The following KIF26B variants were observed in gnomAD, a reference collection of about 807,000 sequenced individuals.
KIF26B encodes the protein kinesin-like protein KIF26B.
KIF26B carries 63 observed loss-of-function variants against 151.2 expected under a neutral mutation model. The observed-to-expected ratio is 0.42, with a 90% CI of 0.34 to 0.51. The LOEUF (loss-of-function observed/expected upper bound fraction) is 0.51. Ranked by LOEUF, KIF26B falls within the 20% of genes least tolerant of loss-of-function variation. The pLI, the probability that KIF26B is intolerant of heterozygous loss-of-function variation, is 0.07. For missense variants in KIF26B, 2,813 were observed against 2,913.6 expected (o/e 0.97, Z 0.79); for synonymous variants, 1,357 against 1,262.1 (o/e 1.08, Z -1.59).
chr1:245,305,033 C>T (rs1671510429), intron 2 of KIF26B, among the ~76,000 whole-genome samples: 1 of 152,082 alleles, frequency 6.6e-6, no homozygotes, highest in Non-Finnish European at 1.5e-5. Flanking sequence ...GATACAGAGC[C>T]AGAACCAGGA....
chr1:245,666,875 A>G (rs191581297), intron 10 of KIF26B, among the ~76,000 whole-genome samples: 37 of 152,228 alleles, frequency 2.4e-4, no homozygotes, highest in Middle Eastern at 3.4e-3. Context: ...TAACCCAGAC[A>G]CAGCTAACAG....
At chr1:245,443,372 C>A (rs906596988) in intron 4 of KIF26B, among the ~76,000 whole-genome samples, 1 of 141,552 alleles carries the variant, frequency 7.1e-6, no homozygotes, top group Non-Finnish European at 1.5e-5. Context: ...ACTGTTCACC[C>A]TGCGGTCATC....
chr1:245,465,177 C>A (rs1322461405), intron 4 of KIF26B, among the ~76,000 whole-genome samples: 18 of 152,100 alleles, frequency 1.2e-4, no homozygotes, highest in East Asian at 9.7e-4. Context: ...ACGGGGTTTC[C>A]CCATGTTGGC....
At chr1:245,387,144 G>T (rs1038955102) in intron 3 of KIF26B, among the ~76,000 whole-genome samples, 4 of 144,830 alleles carry the variant, frequency 2.8e-5, no homozygotes, top group African/African-American at 1.0e-4. Context: ...TCTGACCTAG[G>T]TTTTTTTTTG....
chr1:245,199,172 C>G (rs780400082), intron 2 of KIF26B, among the ~76,000 whole-genome samples: 11 of 152,042 alleles, frequency 7.2e-5, no homozygotes, highest in Non-Finnish European at 1.5e-4. Flanking sequence ...GGTGAGGAAA[C>G]CTTTTAACCT....
chr1:245,687,975 C>T lies in KIF26B; in HGVS notation c.4992C>T (p.Ser1664=). 4 of 1,582,456 alleles carry T rather than the reference C, an allele frequency of 2.5e-6. No homozygotes were observed. The highest frequency in any genetic ancestry group is 1.2e-5 in the South Asian group (1 of 86,532). ...GTGCCAAGCTGGAGCAGCTGGCCAG[C>T]AGAAGCAACTCGCTGGGCAGGGCGA... is the stretch of plus-strand genomic sequence containing the variant. ...LFSAKLEQLA[S]RSNSLGRATV... is the part of the protein sequence containing the mutation. Residue 1664 remains serine, a synonymous_variant, in exon 12 of 15, where the codon AGC becomes AGT. Coordinates refer to ENST00000407071, the MANE Select transcript of KIF26B (RefSeq NM_018012.4). This position sits in a 1 kb window ranked among gnomAD's most constrained non-coding sequence, Gnocchi z 4.9.
At position 245,375,311 on chromosome 1, in the gene KIF26B, A is replaced by G. The variant is rs1346322252; in HGVS notation, c.999+7944A>G. Among the ~76,000 whole-genome samples, 5 of 152,162 alleles carry G rather than the reference A, an allele frequency of 3.3e-5. No individual in the cohort carries two copies. In the East Asian group the frequency reaches 7.7e-4, roughly 23 times the overall value. The stretch of plus-strand genomic sequence containing the variant: ...AGGCTGGTCTCAAACTCCTGACCTC[A>G]GGTGATCTGCCTGCCTCAGCCTCCC... On this transcript the variant is annotated intron_variant, in intron 3 of 14. Coordinates refer to ENST00000407071, the MANE Select transcript of KIF26B (RefSeq NM_018012.4). This position sits in a 1 kb window ranked among gnomAD's most constrained non-coding sequence, Gnocchi z 4.2.
intron 10 of KIF26B, among the ~76,000 whole-genome samples, chr1:245,652,962 C>T (rs2044036400): frequency 6.6e-6 from 1 of 152,196 alleles, no homozygotes; most frequent in Non-Finnish European, 1.5e-5. Context: ...TCAAGTGTAT[C>T]TTCCTTTATG....
At chr1:245,409,959 C>T (rs1405200700) in intron 3 of KIF26B, among the ~76,000 whole-genome samples, 4 of 152,172 alleles carry the variant, frequency 2.6e-5, no homozygotes, top group Non-Finnish European at 4.4e-5. Flanking sequence ...AGATCTGAAC[C>T]ACCCCAGCTC....
chr1:245,416,555 C>A (rs1674424580), intron 3 of KIF26B, among the ~76,000 whole-genome samples: 2 of 152,018 alleles, frequency 1.3e-5, no homozygotes, highest in African/African-American at 4.8e-5. Flanking sequence ...CTATTAAATG[C>A]ATGATATGAA....
intron 4 of KIF26B, among the ~76,000 whole-genome samples, chr1:245,427,721 C>T (rs1005790069): frequency 6.6e-6 from 1 of 152,094 alleles, no homozygotes; most frequent in African/African-American, 2.4e-5. Context: ...GCATATTTTG[C>T]TTACCCTTAG....
At chr1:245,507,491 G>A (rs1660748002) in intron 4 of KIF26B, among the ~76,000 whole-genome samples, 2 of 152,210 alleles carry the variant, frequency 1.3e-5, no homozygotes, top group Admixed American at 6.5e-5. Context: ...ATCAGTCTTT[G>A]GATGTGAACC....
chr1:245,349,138 G>A (rs769142175), intron 2 of KIF26B, among the ~76,000 whole-genome samples: 1 of 152,310 alleles, frequency 6.6e-6, no homozygotes, highest in East Asian at 1.9e-4. Context: ...ATAGGTGCTC[G>A]ATAAATATTC....
At position 245,352,247 on chromosome 1, in the gene KIF26B, GT is replaced by G. The variant is rs1421584916; in HGVS notation, c.466-14581del. ...TTTTATTCTACCATTCCTACCTCCAGTTTTTTGTTTGTTTGTTTGTTTGTGT... is the reference window on the plus strand; with the variant it reads ...TTTTATTCTACCATTCCTACCTCCAGTTTTTGTTTGTTTGTTTGTTTGTGT... On this transcript the variant is annotated intron_variant, in intron 2 of 14. Coordinates refer to ENST00000407071, the MANE Select transcript of KIF26B (RefSeq NM_018012.4). The surrounding 1 kb of genome is among the most constrained non-coding windows in gnomAD (Gnocchi z 5.0). Among the ~76,000 whole-genome samples the G allele has an allele frequency of 6.6e-6, 1 of 152,136 alleles. No individual in the cohort carries two copies. Among genetic ancestry groups the G allele is most frequent in the Admixed American group, 6.6e-5 (1 of 15,262 alleles).
chr1:245,532,035 C>G (rs1661373220), intron 4 of KIF26B, among the ~76,000 whole-genome samples: 1 of 152,034 alleles, frequency 6.6e-6, no homozygotes, highest in South Asian at 2.1e-4. Flanking sequence ...CTGCAGTGGG[C>G]TATGATCATG....
At chr1:245,409,669 T>G (rs1674226569) in intron 3 of KIF26B, among the ~76,000 whole-genome samples, 1 of 152,112 alleles carries the variant, frequency 6.6e-6, no homozygotes, top group African/African-American at 2.4e-5. Flanking sequence ...ATAAGAGTAA[T>G]CAAACGTCCA....
chr1:245,521,191 G>T (rs1330467902), intron 4 of KIF26B, among the ~76,000 whole-genome samples: 1 of 152,102 alleles, frequency 6.6e-6, no homozygotes, highest in Non-Finnish European at 1.5e-5. Context: ...CAAAAAATTA[G>T]CCAGGTGTGG....
At chr1:245,435,639 T>A (rs1014222553) in intron 4 of KIF26B, among the ~76,000 whole-genome samples, 5 of 152,198 alleles carry the variant, frequency 3.3e-5, no homozygotes, top group African/African-American at 1.2e-4. Flanking sequence ...GTGGAAAGTT[T>A]GTCAGTTTCC....
At chr1:245,348,777 G>A (rs1194956699) in intron 2 of KIF26B, among the ~76,000 whole-genome samples, 2 of 152,056 alleles carry the variant, frequency 1.3e-5, no homozygotes, top group African/African-American at 2.4e-5. Context: ...CTCCAGCCAC[G>A]CCGGCCTCTT....
Sources: gnomAD v4.1 joint callset for allele counts (sites outside exome capture counted in the v4.1 genomes callset) on GRCh38, gnomAD v4.1.1 for gene constraint, Gnocchi (gnomAD v3.1) non-coding constraint, MANE v1.5 for transcripts, NCBI Gene and HGNC (gene_info 2026-07-23, HGNC 2026-07-21) for gene names.